Variants in UNC79 observed in about 807,000 individuals in gnomAD.
UNC79 encodes the protein protein unc-79 homolog.
Under a neutral mutation model 283.1 loss-of-function variants are expected in UNC79, and 37 were observed. The observed-to-expected ratio is 0.13, with a 90% CI of 0.10 to 0.17. UNC79 has a LOEUF of 0.17. Among genes scored for constraint, UNC79 ranks in the 10% least tolerant of loss-of-function variants. The pLI is 1.00. For synonymous variants in UNC79, 1,107 were observed against 1,200.2 expected, an observed-to-expected ratio of 0.92 and a Z score of 1.61; for missense variants, 2,272 against 3,211.1, an observed-to-expected ratio of 0.71 and a Z score of 7.07.
intron 1 of UNC79, among the ~76,000 whole-genome samples, chr14:93,424,000 TCAAA>T (rs1190700717): frequency 1.3e-5 from 2 of 152,064 alleles, no homozygotes; most frequent in African/African-American, 4.8e-5. Flanking sequence ...TATAAGGAGT[TCAAA>T]CAACTCTGTA....
intron 1 of UNC79, among the ~76,000 whole-genome samples, chr14:93,465,858 C>G (rs1313673048): frequency 6.6e-6 from 1 of 152,146 alleles, no homozygotes; most frequent in Non-Finnish European, 1.5e-5. Context: ...AGTAATGCTT[C>G]ATTACTGTGA....
intron 1 of UNC79, among the ~76,000 whole-genome samples, chr14:93,341,347 C>T (rs951488968): frequency 1.3e-5 from 2 of 151,988 alleles, no homozygotes; most frequent in African/African-American, 2.4e-5. Flanking sequence ...ATCCCAGCTA[C>T]TCAGGCGGCT....
At chr14:93,357,722 G>GAT (rs1369013488) in intron 1 of UNC79, among the ~76,000 whole-genome samples, 5 of 50,772 alleles carry the variant, frequency 9.8e-5, no homozygotes, top group African/African-American at 3.3e-4. Context: ...TATATATATG[G>GAT]ATATATGGAT....
intron 47 of UNC79, among the ~76,000 whole-genome samples, chr14:93,703,276 G>A (rs959158885): frequency 6.6e-6 from 1 of 152,214 alleles, no homozygotes; most frequent in Non-Finnish European, 1.5e-5. Flanking sequence ...TCAACCAACA[G>A]AAATGTATTC....
At chr14:93,687,155 A>G (rs1258246820) in intron 43 of UNC79, among the ~76,000 whole-genome samples, 1 of 152,236 alleles carries the variant, frequency 6.6e-6, no homozygotes, top group Non-Finnish European at 1.5e-5. Context: ...GGGTTTGATC[A>G]AAAATAATGT....
At chr14:93,700,534 G>T (rs1461491663) in intron 47 of UNC79, among the ~76,000 whole-genome samples, 1 of 151,976 alleles carries the variant, frequency 6.6e-6, no homozygotes, top group East Asian at 1.9e-4. Context: ...TTTTGTTGTT[G>T]TTGTTTCTTA....
intron 4 of UNC79, among the ~76,000 whole-genome samples, 187 bp from the exon 5 acceptor site, chr14:93,487,476 T>C (rs944878874): frequency 6.6e-6 from 1 of 152,204 alleles, no homozygotes; most frequent in African/African-American, 2.4e-5. Flanking sequence ...AATTTTCCTA[T>C]GGAGATGACA....
chr14:93,440,599 A>G (rs941092761), intron 1 of UNC79, among the ~76,000 whole-genome samples: 5 of 146,678 alleles, frequency 3.4e-5, no homozygotes, highest in African/African-American at 1.3e-4. Context: ...CACTTCCTTT[A>G]GTTGTAGCCT....
At chr14:93,438,644 A>C (rs1196612666) in intron 1 of UNC79, among the ~76,000 whole-genome samples, 3 of 148,774 alleles carry the variant, frequency 2.0e-5, no homozygotes, top group Non-Finnish European at 1.5e-5. Flanking sequence ...AGCAGGTTTC[A>C]CTGGCTTTCT....
At chr14:93,681,341 G>A (rs2073831785) in intron 41 of UNC79, among the ~76,000 whole-genome samples, 1 of 152,240 alleles carries the variant, frequency 6.6e-6, no homozygotes, top group Non-Finnish European at 1.5e-5. Context: ...CCCTGAGCCG[G>A]AAGTCTAAGG....
chr14:93,591,667 A>G (rs968683329), intron 22 of UNC79, among the ~76,000 whole-genome samples: 3 of 152,242 alleles, frequency 2.0e-5, no homozygotes, highest in Admixed American at 6.5e-5. Flanking sequence ...GTACATGTCA[A>G]GCAATTCAAC....
chr14:93,348,656 A>G (rs1466563479), intron 1 of UNC79, among the ~76,000 whole-genome samples: 1 of 152,316 alleles, frequency 6.6e-6, no homozygotes, highest in Admixed American at 6.5e-5. Context: ...GAATGAGTAC[A>G]TCTCCTATTT....
chr14:93,393,971 A>G (rs1272535575), intron 1 of UNC79, among the ~76,000 whole-genome samples: 4 of 150,874 alleles, frequency 2.7e-5, no homozygotes, highest in African/African-American at 9.8e-5. Context: ...CTCCATTCCA[A>G]TTTTGTCAGG....
rs1169868433 is a variant in UNC79, at chr14:93,638,451, A to G, written c.5800+1152A>G. 2.1e-4 allele frequency among the ~76,000 whole-genome samples: 32 copies of G among 152,222 alleles called. 1 individual carries two copies. The highest frequency in any genetic ancestry group is 2.0e-3 in the Admixed American group (30 of 15,282). ...AAAAGTGGAATGAAGTGATGAGAAC[A>G]CTAAGATGGAAAGTCAGTCTCTTTC... On this transcript the variant is annotated intron_variant, in intron 32 of 48. Coordinates refer to ENST00000555664, the Ensembl canonical transcript of UNC79.
rs757281738 is a variant in UNC79 at position 93,634,550 on chromosome 14, C to T, written c.5717-2666C>T. 4.3e-6 allele frequency: 7 copies of T among 1,613,934 alleles called. No homozygotes were observed. In the African/African-American group the frequency reaches 9.3e-5, roughly 22 times the overall value. On this transcript the variant is annotated intron_variant, in intron 31 of 48. Coordinates refer to ENST00000555664, the Ensembl canonical transcript of UNC79. ...GTATAGGCAGATGAAAAGGGGATCC[C>T]TGGGAGTTCTGACAATGAGCCAGTT... is the stretch of plus-strand genomic sequence containing the variant.
At chr14:93,414,636 A>G (rs1215962883) in intron 1 of UNC79, among the ~76,000 whole-genome samples, 2 of 152,128 alleles carry the variant, frequency 1.3e-5, no homozygotes, top group South Asian at 2.1e-4. Flanking sequence ...CCATTTTCAC[A>G]ATATTGATTC....
chr14:93,352,146 T>C (rs561366580), intron 1 of UNC79, among the ~76,000 whole-genome samples: 1 of 152,352 alleles, frequency 6.6e-6, no homozygotes, highest in South Asian at 2.1e-4. Flanking sequence ...TAGCAGTTTC[T>C]TAAGATCTAT....
At chr14:93,665,091 T>C (rs1371331705) in intron 40 of UNC79, among the ~76,000 whole-genome samples, 2 of 151,078 alleles carry the variant, frequency 1.3e-5, no homozygotes, top group Non-Finnish European at 3.0e-5. Context: ...GACTATACTT[T>C]AAATGATATG....
At chr14:93,524,614 T>C (rs1342662043) in intron 8 of UNC79, among the ~76,000 whole-genome samples, 1 of 152,214 alleles carries the variant, frequency 6.6e-6, no homozygotes, top group African/African-American at 2.4e-5. Context: ...CAGAACCAGG[T>C]ATCTGGACTC....
Sources: gnomAD v4.1 joint callset for allele counts (sites outside exome capture counted in the v4.1 genomes callset) on GRCh38, gnomAD v4.1.1 for gene constraint, MANE v1.5 for transcripts, NCBI Gene and HGNC (gene_info 2026-07-23, HGNC 2026-07-21) for gene names.